The following CDH13 variants were observed in gnomAD, a reference collection of about 807,000 sequenced individuals.
CDH13 encodes cadherin 13.
Under a neutral mutation model 63.8 loss-of-function variants are expected in CDH13, and 24 were observed. The ratio of observed to expected loss-of-function variants is 0.38; its 90% confidence interval spans 0.27 to 0.53. The LOEUF is 0.53. Among genes scored for constraint, CDH13 ranks in the 20% least tolerant of loss-of-function variants. The pLI is 0.85. For synonymous variants in CDH13, 503 were observed against 355.3 expected (o/e 1.42, Z -4.67); for missense variants, 1,049 against 903.1 (o/e 1.16, Z -2.07).
chr16:83,183,551 T>A (rs977381072), intron 4 of CDH13, among the ~76,000 whole-genome samples: 1 of 152,174 alleles, frequency 6.6e-6, no homozygotes, highest in Non-Finnish European at 1.5e-5. Context: ...TAAACTCAAT[T>A]TTTCTTCACA....
intron 2 of CDH13, among the ~76,000 whole-genome samples, chr16:83,000,526 G>A (rs1445278326): frequency 6.7e-6 from 1 of 149,552 alleles, no homozygotes; most frequent in Non-Finnish European, 1.5e-5. Flanking sequence ...AGGATTACAG[G>A]TGTGAGCCAC....
chr16:83,234,331 C>T (rs1047099132), intron 5 of CDH13, among the ~76,000 whole-genome samples: 1 of 152,204 alleles, frequency 6.6e-6, no homozygotes, highest in Non-Finnish European at 1.5e-5. Context: ...TCCTGTTTGG[C>T]ACAGTCCTGG....
intron 3 of CDH13, among the ~76,000 whole-genome samples, chr16:83,070,320 C>T (rs970216421): frequency 1.3e-5 from 2 of 152,144 alleles, no homozygotes; most frequent in Non-Finnish European, 2.9e-5. Flanking sequence ...GTACGATGAC[C>T]TTTGAGGTGC....
At chr16:83,212,314 G>C (rs967105298) in intron 4 of CDH13, among the ~76,000 whole-genome samples, 1 of 152,190 alleles carries the variant, frequency 6.6e-6, no homozygotes, top group African/African-American at 2.4e-5. Flanking sequence ...AACCCAGCTA[G>C]GCACCAAGAA....
intron 8 of CDH13, among the ~76,000 whole-genome samples, chr16:83,628,087 T>G (rs1191735417): frequency 6.6e-6 from 1 of 152,198 alleles, no homozygotes; most frequent in Non-Finnish European, 1.5e-5. Flanking sequence ...CCGGCTTCTT[T>G]ACTGCAACCT....
chr16:82,977,067 A>G (rs1016303760), intron 2 of CDH13, among the ~76,000 whole-genome samples: 1 of 152,224 alleles, frequency 6.6e-6, no homozygotes, highest in African/African-American at 2.4e-5. Context: ...AATTTTTAAA[A>G]CAACTAAATA....
At chr16:83,164,728 G>GAAAAA in intron 4 of CDH13, among the ~76,000 whole-genome samples, 1 of 142,944 alleles carries the variant, frequency 7.0e-6, no homozygotes, top group South Asian at 2.2e-4. Context: ...CTCAAAAAAA[G>GAAAAA]AAAAAAAAAA....
intron 6 of CDH13, among the ~76,000 whole-genome samples, chr16:83,361,757 C>T (rs1300931082): frequency 6.6e-6 from 1 of 152,000 alleles, no homozygotes; most frequent in Non-Finnish European, 1.5e-5. Context: ...CTTTACTTCT[C>T]AGTTCTTTAT....
intron 5 of CDH13, among the ~76,000 whole-genome samples, chr16:83,294,668 G>A (rs148667288): frequency 4.0e-5 from 6 of 151,640 alleles, no homozygotes; most frequent in Non-Finnish European, 7.4e-5. Flanking sequence ...GGAACAAATT[G>A]AACAAGGGAA....
chr16:83,179,130 A>G (rs1413550898), intron 4 of CDH13, among the ~76,000 whole-genome samples: 2 of 152,166 alleles, frequency 1.3e-5, no homozygotes, highest in East Asian at 1.9e-4. Flanking sequence ...AGGACTTTCA[A>G]TCCCCTTCCT....
At chr16:83,320,409 A>G (rs11641442) in intron 5 of CDH13, among the ~76,000 whole-genome samples, 62,380 of 151,986 alleles carry the variant, frequency 0.41, 12,971 homozygotes, top group East Asian at 0.51. Flanking sequence ...CAATCTAGGA[A>G]AAGTATAAGC....
chr16:83,678,447 G>C lies in CDH13; in HGVS notation c.1524G>C (p.Gln508His). The change falls in exon 10 of 14, where the codon CAG (glutamine) becomes CAC (histidine). Residue 508 changes from glutamine to histidine, a missense_variant. Gln to His is a conservative substitution (Grantham distance 24). Transcript: ENST00000567109. ...TVNATDPDSL[Q>H]HQTIRYSVYK... ...ATGCCACGGACCCCGACTCCCTGCA[G>C]CATCAAACCATCAGGTGGGTGAGTG... 1 of 1,613,972 alleles carries C rather than the reference G, an allele frequency of 6.2e-7. No individual in the cohort carries two copies. The highest frequency in any genetic ancestry group is 8.5e-7 in the Non-Finnish European group (1 of 1,179,864).
Position 82,983,407 on chromosome 16 carries a change from G to A in CDH13, c.158-48603G>A, listed in dbSNP as rs184567657. Among the ~76,000 whole-genome samples the A allele has an allele frequency of 4.9e-3, 753 of 152,192 alleles. 4 individuals are homozygous for A. The highest frequency in any genetic ancestry group is 9.7e-3 in the Admixed American group (149 of 15,290). ...CTTGCATTTGCTCCTCAGGAGATCT[G>A]AACTTATATGTCATAGTCTGAGTTT... On this transcript the variant is annotated intron_variant, in intron 2 of 13. Coordinates refer to ENST00000567109, the MANE Select transcript of CDH13 (RefSeq NM_001257.5).
chr16:83,345,247 A>G (rs142296893), intron 6 of CDH13, among the ~76,000 whole-genome samples: 1 of 152,218 alleles, frequency 6.6e-6, no homozygotes, highest in African/African-American at 2.4e-5. Context: ...GATGACTGCC[A>G]TCTAAGTCTC....
chr16:83,744,857 C>T (rs556684741), intron 10 of CDH13, among the ~76,000 whole-genome samples: 101 of 152,220 alleles, frequency 6.6e-4, no homozygotes, highest in Non-Finnish European at 1.3e-3. Flanking sequence ...CAGGTCCTTT[C>T]CTCTCCAGAG....
At chr16:82,971,752 C>T (rs145453272) in intron 2 of CDH13, among the ~76,000 whole-genome samples, 125 of 152,286 alleles carry the variant, frequency 8.2e-4, no homozygotes, top group African/African-American at 2.9e-3. Context: ...TGTAAAAAAA[C>T]ACAAACATTT....
At chr16:83,539,625 A>C (rs1436934003) in intron 7 of CDH13, among the ~76,000 whole-genome samples, 1 of 152,204 alleles carries the variant, frequency 6.6e-6, no homozygotes, top group African/African-American at 2.4e-5. Context: ...CGATAATGAT[A>C]ATTCTAGCTG....
At chr16:83,006,857 A>C (rs934636079) in intron 2 of CDH13, among the ~76,000 whole-genome samples, 8 of 152,142 alleles carry the variant, frequency 5.3e-5, no homozygotes, top group African/African-American at 1.9e-4. Flanking sequence ...TTTGCCACTA[A>C]AATTTTGCAC....
chr16:83,505,566 G>A (rs2074377573), intron 7 of CDH13, among the ~76,000 whole-genome samples: 1 of 129,796 alleles, frequency 7.7e-6, no homozygotes, highest in Non-Finnish European at 1.6e-5. Context: ...TTTTGAGAAG[G>A]AGTTTTTGCT....
Sources: allele counts gnomAD v4.1 joint callset (sites outside exome capture counted in the v4.1 genomes callset), GRCh38; gene constraint gnomAD v4.1.1; transcripts MANE v1.5; gene names NCBI Gene and HGNC (gene_info 2026-07-23, HGNC 2026-07-21).